PRKCE: variants seen among roughly 807,000 people sequenced by gnomAD.
The protein encoded by PRKCE is protein kinase C epsilon type.
PRKCE carries 16 observed loss-of-function variants against 85.4 expected under a neutral mutation model. The ratio of observed to expected loss-of-function variants is 0.19; its 90% CI spans 0.13 to 0.28. The LOEUF (loss-of-function observed/expected upper bound fraction) is 0.28, where lower values mean the gene tolerates loss of function less well. Among genes scored for constraint, PRKCE ranks in the 10% least tolerant of loss-of-function variants. The pLI, the probability that PRKCE is intolerant of heterozygous loss-of-function variation, is 1.00. For missense variants in PRKCE, 573 were observed against 975.2 expected (o/e 0.59, Z 5.49); for synonymous variants, 388 against 371.5 (o/e 1.04, Z -0.51).
chr2:46,057,053 C>G (rs981689472), intron 10 of PRKCE, among the ~76,000 whole-genome samples: 2 of 152,116 alleles, frequency 1.3e-5, no homozygotes, highest in Non-Finnish European at 2.9e-5. Context: ...CTCTCTCTCT[C>G]TATGGAGTCT....
At chr2:45,892,011 G>C (rs1469496275) in intron 2 of PRKCE, among the ~76,000 whole-genome samples, 1 of 152,138 alleles carries the variant, frequency 6.6e-6, no homozygotes, top group Admixed American at 6.5e-5. Context: ...GAAGGCAAAG[G>C]CCACCTGCTT....
intron 1 of PRKCE, among the ~76,000 whole-genome samples, chr2:45,800,594 A>G (rs930519386): frequency 6.6e-6 from 1 of 152,198 alleles, no homozygotes; most frequent in Non-Finnish European, 1.5e-5. Context: ...TAAGTTCTGG[A>G]GAGAAGGACA....
At chr2:45,711,976 A>T (rs867131700) in intron 1 of PRKCE, among the ~76,000 whole-genome samples, 6 of 151,074 alleles carry the variant, frequency 4.0e-5, no homozygotes, top group African/African-American at 9.8e-5. Flanking sequence ...CAGGACAAAT[A>T]CTCCTATTTC....
At chr2:45,944,534 G>A (rs540645258) in intron 2 of PRKCE, among the ~76,000 whole-genome samples, 37 of 152,056 alleles carry the variant, frequency 2.4e-4, no homozygotes, top group Non-Finnish European at 4.4e-4. Flanking sequence ...TGTCGCCCAG[G>A]CTGGAGTACA....
At chr2:46,098,072 T>G (rs2104033121) in intron 11 of PRKCE, among the ~76,000 whole-genome samples, 1 of 152,320 alleles carries the variant, frequency 6.6e-6, no homozygotes, top group African/African-American at 2.4e-5. Context: ...AATTCCTGAT[T>G]AAATTTGAGT....
At chr2:46,171,822 G>A (rs1190599572) in intron 14 of PRKCE, among the ~76,000 whole-genome samples, 3 of 152,180 alleles carry the variant, frequency 2.0e-5, no homozygotes, top group African/African-American at 7.2e-5. Context: ...AAAAACACAA[G>A]GCAGATGCGC....
intron 10 of PRKCE, among the ~76,000 whole-genome samples, chr2:46,075,602 A>T (rs561919460): frequency 1.7e-4 from 26 of 152,026 alleles, no homozygotes; most frequent in Non-Finnish European, 2.8e-4. Flanking sequence ...ATGAAAAATT[A>T]GGCAGGCATG....
intron 10 of PRKCE, among the ~76,000 whole-genome samples, chr2:46,061,847 T>G (rs1270379230): frequency 2.3e-5 from 3 of 132,782 alleles, no homozygotes; most frequent in African/African-American, 9.4e-5. Flanking sequence ...TCTTTTCTTT[T>G]CTTTTCTTTT....
intron 1 of PRKCE, among the ~76,000 whole-genome samples, chr2:45,732,296 A>G (rs754321237): frequency 5.3e-5 from 8 of 152,184 alleles, no homozygotes; most frequent in Admixed American, 6.5e-5. Flanking sequence ...CCTGAATGCC[A>G]TTTTAAGTAC....
At chr2:45,821,031 A>G (rs79827187) in intron 1 of PRKCE, among the ~76,000 whole-genome samples, 13,831 of 152,162 alleles carry the variant, frequency 0.091, 807 homozygotes, top group African/African-American at 0.15. Context: ...TTGAGCCCCA[A>G]GGGTCAGGGG....
intron 10 of PRKCE, among the ~76,000 whole-genome samples, chr2:46,016,149 G>T (rs1706123986): frequency 6.6e-6 from 1 of 152,106 alleles, no homozygotes; most frequent in South Asian, 2.1e-4. Flanking sequence ...TTGATAGTGG[G>T]CTGGACAGCA....
rs185364358 is a variant in PRKCE, at chr2:45,868,706, G to A, written c.412+25643G>A. On this transcript the variant is annotated intron_variant, in intron 2 of 14. Coordinates refer to ENST00000306156, the MANE Select transcript of PRKCE (RefSeq NM_005400.3). ...CCAGCACTTTGGGAGGCAGGCCGAG[G>A]TGGGCGGATCGTCTGAGGTCAGGAG... Among the ~76,000 whole-genome samples, 9 of 148,436 alleles carry A rather than the reference G, an allele frequency of 6.1e-5. No homozygotes were observed. In the East Asian group the frequency reaches 1.8e-3, roughly 30 times the overall value.
intron 14 of PRKCE, among the ~76,000 whole-genome samples, chr2:46,181,442 C>T (rs1343422239): frequency 6.6e-6 from 1 of 152,192 alleles, no homozygotes; most frequent in East Asian, 1.9e-4. Context: ...GAATGGCATA[C>T]TCTCTCAAAT....
intron 1 of PRKCE, among the ~76,000 whole-genome samples, chr2:45,699,093 C>G (rs1251325856): frequency 6.6e-6 from 1 of 151,916 alleles, no homozygotes; most frequent in African/African-American, 2.4e-5. Flanking sequence ...GGGTGGTTTG[C>G]TGTTCCCATA....
chr2:45,938,464 C>A (rs970518124), intron 2 of PRKCE, among the ~76,000 whole-genome samples: 11 of 152,190 alleles, frequency 7.2e-5, no homozygotes, highest in Non-Finnish European at 1.2e-4. Flanking sequence ...TCCCTACCCA[C>A]TCTATAGATA....
At chr2:45,797,917 A>G (rs971157608) in intron 1 of PRKCE, among the ~76,000 whole-genome samples, 2 of 152,218 alleles carry the variant, frequency 1.3e-5, no homozygotes, top group African/African-American at 4.8e-5. Context: ...GAGAATGCAC[A>G]TTGCCAACAT....
At chr2:46,066,238 G>GT (rs1483539731) in intron 10 of PRKCE, among the ~76,000 whole-genome samples, 3 of 152,182 alleles carry the variant, frequency 2.0e-5, no homozygotes, top group Non-Finnish European at 2.9e-5. Context: ...TGATGTATCT[G>GT]TTTTTCCCCC....
chr2:45,867,175 C>T (rs372618298), intron 2 of PRKCE, among the ~76,000 whole-genome samples: 7 of 152,244 alleles, frequency 4.6e-5, no homozygotes, highest in Admixed American at 2.6e-4. Context: ...AAAATCCAGA[C>T]AGAAAAACAG....
intron 1 of PRKCE, among the ~76,000 whole-genome samples, chr2:45,772,123 C>T (rs12712946): frequency 0.89 from 135,575 of 151,996 alleles, 61,857 homozygotes; most frequent in Non-Finnish European, 0.98. Context: ...GTAGGTAGTC[C>T]GAGTGCAGCC....
Sources: allele counts gnomAD v4.1 joint callset (sites outside exome capture counted in the v4.1 genomes callset), GRCh38; gene constraint gnomAD v4.1.1; transcripts MANE v1.5; gene names NCBI Gene and HGNC (gene_info 2026-07-23, HGNC 2026-07-21).